PLCB1: variants seen among roughly 807,000 people sequenced by gnomAD.
PLCB1 encodes the protein 1-phosphatidylinositol 4,5-bisphosphate phosphodiesterase beta-1.
A neutral mutation model predicts 161.8 loss-of-function variants in PLCB1; 46 were observed. The ratio of observed to expected loss-of-function variants is 0.28; its 90% confidence interval spans 0.22 to 0.36. PLCB1 has a LOEUF of 0.36. Ranked by LOEUF, PLCB1 falls within the 10% of genes least tolerant of loss-of-function variation. The pLI is 1.00. For synonymous variants in PLCB1, 517 were observed against 503.7 expected (o/e 1.03, Z -0.35); for missense variants, 1,016 against 1,472.5 (o/e 0.69, Z 5.07).
At chr20:8,503,149 G>A (rs1983494282) in intron 3 of PLCB1, among the ~76,000 whole-genome samples, 1 of 152,284 alleles carries the variant, frequency 6.6e-6, no homozygotes, top group East Asian at 1.9e-4. Flanking sequence ...TTTGGAAAGT[G>A]AACCACAAAG....
intron 3 of PLCB1, among the ~76,000 whole-genome samples, chr20:8,410,979 C>T (rs1455773948): frequency 1.3e-5 from 2 of 152,196 alleles, no homozygotes; most frequent in Non-Finnish European, 2.9e-5. Flanking sequence ...CCCGTAGCAG[C>T]GTGACACTGA....
At chr20:8,858,931 AATT>A (rs1987159502) in intron 31 of PLCB1, among the ~76,000 whole-genome samples, 1 of 151,498 alleles carries the variant, frequency 6.6e-6, no homozygotes, top group Non-Finnish European at 1.5e-5. Context: ...AAAAAAAAAA[AATT>A]AGAGTAGTGG....
intron 13 of PLCB1, 116 bp from the exon 14 acceptor site, chr20:8,717,555 T>C (rs1979389420): frequency 4.0e-6 from 3 of 743,714 alleles, no homozygotes; most frequent in Admixed American, 4.8e-5. Context: ...ATGAGCAGTG[T>C]TGAAGGTAGG....
intron 12 of PLCB1, among the ~76,000 whole-genome samples, chr20:8,710,716 G>A (rs969330733): frequency 1.3e-4 from 20 of 152,024 alleles, no homozygotes; most frequent in Middle Eastern, 3.4e-3. Flanking sequence ...GATTCTCCAT[G>A]TTGGTCAGGC....
At chr20:8,779,850 C>A (rs1027138778) in intron 27 of PLCB1, among the ~76,000 whole-genome samples, 10 of 152,222 alleles carry the variant, frequency 6.6e-5, no homozygotes, top group African/African-American at 2.4e-4. Context: ...AGTGTATTAT[C>A]TGTTGGTGAC....
At chr20:8,158,507 G>A (rs1449213030) in intron 2 of PLCB1, among the ~76,000 whole-genome samples, 1 of 152,116 alleles carries the variant, frequency 6.6e-6, no homozygotes, top group African/African-American at 2.4e-5. Flanking sequence ...TGCCCCTGGA[G>A]CTTCCCAAAT....
At chr20:8,284,484 T>C (rs947697827) in intron 2 of PLCB1, among the ~76,000 whole-genome samples, 18 of 152,144 alleles carry the variant, frequency 1.2e-4, no homozygotes, top group African/African-American at 4.1e-4. Flanking sequence ...ATGCCTGTGA[T>C]CCCAGAGCCT....
chr20:8,760,812 ATGATCC>A (rs1981981661), intron 25 of PLCB1, among the ~76,000 whole-genome samples: 2 of 152,254 alleles, frequency 1.3e-5, no homozygotes, highest in Admixed American at 1.3e-4. Context: ...TATGCAGAAT[ATGATCC>A]ATTTGTGAGC....
chr20:8,513,800 A>G (rs766455492), intron 3 of PLCB1, among the ~76,000 whole-genome samples: 9 of 152,296 alleles, frequency 5.9e-5, no homozygotes, highest in Non-Finnish European at 7.4e-5. Flanking sequence ...GCTTGAGCTC[A>G]GGAGTTCAAG....
rs1600290576 is a variant in PLCB1, at chr20:8,741,575, T to G, written c.2523+2T>G. The G allele has an allele frequency of 6.3e-7, 1 of 1,594,692 alleles. No homozygotes were observed. Among genetic ancestry groups the G allele is most frequent in the Non-Finnish European group, 8.6e-7 (1 of 1,162,798 alleles). The stretch of plus-strand genomic sequence containing the variant: ...GATGAAGAAGAAGTAAAGAAAGAGG[T>G]GAGAGGGTGTTTTAATTTTACATAT... On this transcript the variant is annotated splice_donor_variant, in intron 23 of 31. Transcript: ENST00000338037. LOFTEE classifies it high-confidence loss of function.
rs1382851309 is a variant in PLCB1 at position 8,739,369 on chromosome 20, A to G, written c.2308+9A>G. ...GCAAGCCATTCGGCCAGGTATGGGT[A>G]GTGTGCTGAGAAACCTTTTATCAAA... is the stretch of plus-strand genomic sequence containing the variant. On this transcript the variant is annotated intron_variant, in intron 21 of 31. Coordinates refer to ENST00000338037, the MANE Select transcript of PLCB1 (RefSeq NM_015192.4). 7 of 1,555,806 alleles carry G rather than the reference A, an allele frequency of 4.5e-6. No individual in the cohort carries two copies. Among genetic ancestry groups the G allele is most frequent in the Non-Finnish European group, 6.2e-6 (7 of 1,127,128 alleles).
At chr20:8,500,846 A>G (rs1983375006) in intron 3 of PLCB1, among the ~76,000 whole-genome samples, 2 of 152,160 alleles carry the variant, frequency 1.3e-5, no homozygotes, top group African/African-American at 2.4e-5. Flanking sequence ...TTCTTCTTCC[A>G]TAATATGAGA....
intron 15 of PLCB1, 66 bp downstream of exon 15, chr20:8,722,487 A>G (rs1177547743): frequency 2.5e-6 from 3 of 1,196,076 alleles, no homozygotes; most frequent in Middle Eastern, 2.0e-4. Flanking sequence ...GGTCTGTCTC[A>G]TGGTCACTTT....
At chr20:8,654,697 A>C (rs895443886) in intron 7 of PLCB1, among the ~76,000 whole-genome samples, 3 of 152,070 alleles carry the variant, frequency 2.0e-5, no homozygotes. Flanking sequence ...AACATTGGGC[A>C]GGATCTTTAG....
chr20:8,766,515 C>T (rs1982324230), intron 26 of PLCB1, among the ~76,000 whole-genome samples: 1 of 152,148 alleles, frequency 6.6e-6, no homozygotes, highest in African/African-American at 2.4e-5. Flanking sequence ...GTGGGTGAAA[C>T]ATTGTAAACC....
At chr20:8,730,541 T>C (rs958520651) in intron 18 of PLCB1, among the ~76,000 whole-genome samples, 1 of 151,856 alleles carries the variant, frequency 6.6e-6, no homozygotes, top group Non-Finnish European at 1.5e-5. Flanking sequence ...CCTTTACTAC[T>C]ATTAATTTTC....
At chr20:8,233,454 T>C (rs1980170315) in intron 2 of PLCB1, among the ~76,000 whole-genome samples, 1 of 152,158 alleles carries the variant, frequency 6.6e-6, no homozygotes, top group Non-Finnish European at 1.5e-5. Context: ...TCATAACCAC[T>C]TGGTGAGGCA....
intron 3 of PLCB1, among the ~76,000 whole-genome samples, chr20:8,506,865 A>G (rs936458569): frequency 3.9e-5 from 6 of 152,204 alleles, no homozygotes; most frequent in African/African-American, 1.4e-4. Context: ...TAATAAAAAT[A>G]TTACATAGGT....
Position 8,831,962 on chromosome 20 carries a change from CTTTCTTTCTTTCTTTCT to C in PLCB1, c.3423+41704_3423+41720del, listed in dbSNP as rs1568617109. ...TCTTTCTTTCTTTCTTTCTTTCTTT[CTTTCTTTCTTTCTTTCT>C]TTCCTTCTTTCTTTCTGTGCTTCTT... is the stretch of plus-strand genomic sequence containing the variant. On this transcript the variant is annotated intron_variant, in intron 31 of 31. Coordinates refer to ENST00000338037, the MANE Select transcript of PLCB1 (RefSeq NM_015192.4). Among the ~76,000 whole-genome samples the C allele has an allele frequency of 1.6e-5, 2 of 124,900 alleles. 1 individual carries two copies. The highest frequency in any genetic ancestry group is 3.5e-5 in the Non-Finnish European group (2 of 57,592). The allele number at this position is 124,900 out of a possible 152,430, so 81.9% of individuals were successfully genotyped here.
Sources: allele counts gnomAD v4.1 joint callset (sites outside exome capture counted in the v4.1 genomes callset), GRCh38; gene constraint gnomAD v4.1.1; transcripts MANE v1.5; gene names NCBI Gene and HGNC (gene_info 2026-07-23, HGNC 2026-07-21).